Variants in SGK1 observed in about 807,000 individuals in gnomAD.
SGK1 encodes the protein serum/glucocorticoid regulated kinase 1, also known as serine/threonine-protein kinase Sgk1.
In SGK1, 26 loss-of-function variants were observed where a neutral mutation model predicts 64.2. That is an observed-to-expected ratio of 0.40 (90% confidence interval 0.30 to 0.56). The LOEUF (loss-of-function observed/expected upper bound fraction) is 0.56, where lower values mean the gene tolerates loss of function less well. SGK1 is among the 20% of genes least tolerant of loss of function. The pLI, the probability that SGK1 is intolerant of heterozygous loss-of-function variation, is 0.38. For synonymous variants in SGK1, 265 were observed against 239.7 expected (o/e 1.11, Z -0.98); for missense variants, 519 against 645.6 (o/e 0.80, Z 2.12).
intron 2 of SGK1, among the ~76,000 whole-genome samples, chr6:134,226,465 A>G (rs545568151): frequency 6.6e-6 from 1 of 152,010 alleles, no homozygotes; most frequent in Admixed American, 6.6e-5. Flanking sequence ...TTGGGAGGCC[A>G]AGGCTGTGGA....
chr6:134,241,048 C>CTTTTTTTTTTTT (rs10686058), intron 2 of SGK1, among the ~76,000 whole-genome samples: 4 of 74,114 alleles, frequency 5.4e-5, no homozygotes, highest in African/African-American at 1.4e-4. Context: ...TTCTTTTTTT[C>CTTTTTTTTTTTT]TTTTTTTTTT....
At chr6:134,171,433 G>A in intron 11 of SGK1, 3 of 610,938 alleles carry the variant, frequency 4.9e-6, no homozygotes, top group Non-Finnish European at 2.9e-6. Flanking sequence ...CAGGTTCAAT[G>A]TGGTCCTATC....
intron 3 of SGK1, chr6:134,175,747 GGGC>G: frequency 7.4e-7 from 1 of 1,355,008 alleles, no homozygotes. Context: ...GACTCAGGCC[GGGC>G]AAGATTTCCT....
chr6:134,230,255 G>C (rs1039662774), intron 2 of SGK1: 1 of 152,248 alleles, frequency 6.6e-6, no homozygotes, highest in Non-Finnish European at 1.5e-5. Context: ...GGGAGGCTGA[G>C]GCAGTAGGAT....
At chr6:134,194,524 T>C (rs1251780278) in intron 3 of SGK1, among the ~76,000 whole-genome samples, 1 of 151,100 alleles carries the variant, frequency 6.6e-6, no homozygotes, top group Non-Finnish European at 1.5e-5. Flanking sequence ...GTTTTTCTTT[T>C]TTTTTTTTTT....
chr6:134,188,908 CTTT>C (rs34316759), intron 3 of SGK1, among the ~76,000 whole-genome samples: 90 of 110,204 alleles, frequency 8.2e-4, no homozygotes, highest in Middle Eastern at 5.0e-3. Flanking sequence ...ATTTCTTTTT[CTTT>C]TTTTTTTTTT....
At chr6:134,228,188 C>T (rs146324960) in intron 2 of SGK1, among the ~76,000 whole-genome samples, 5,759 of 152,120 alleles carry the variant, frequency 0.038, 138 homozygotes, top group African/African-American at 0.056. Flanking sequence ...CTCCTGACCT[C>T]AGGTGATCCA....
intron 2 of SGK1, among the ~76,000 whole-genome samples, chr6:134,212,762 A>C (rs1374908484): frequency 6.6e-6 from 1 of 152,198 alleles, no homozygotes; most frequent in Middle Eastern, 3.2e-3. Flanking sequence ...AGCCACTTTT[A>C]ATATTTTTTA....
chr6:134,207,095 G>T (rs780087406), intron 3 of SGK1, among the ~76,000 whole-genome samples: 2 of 151,370 alleles, frequency 1.3e-5, no homozygotes, highest in African/African-American at 4.9e-5. Context: ...GCATGGTGGC[G>T]GGCGCCTACA....
chr6:134,298,534 C>G (rs536915003), intron 1 of SGK1: 1 of 807,598 alleles, frequency 1.2e-6, no homozygotes, highest in East Asian at 2.5e-5. Context: ...CTGGCCCCAC[C>G]ATAGCCTCCA....
chr6:134,241,054 T>TTC (rs1554223738), intron 2 of SGK1, among the ~76,000 whole-genome samples: 4 of 28,180 alleles, frequency 1.4e-4, no homozygotes, highest in African/African-American at 2.1e-4. Context: ...TTTTCTTTTT[T>TTC]TTTTTTTTTT....
intron 2 of SGK1, among the ~76,000 whole-genome samples, chr6:134,232,413 G>GAGAAAGAA (rs775588688): frequency 0.019 from 926 of 47,582 alleles, 34 homozygotes; most frequent in African/African-American, 0.026. Context: ...AAGAAAGAAA[G>GAGAAAGAA]AGAAAGAAAG....
At position 134,170,095 on chromosome 6, in the gene SGK1, G is replaced by C. The variant is rs945346138; in HGVS notation, c.*173C>G. ...GAAAACCTCATGAGCTCACTGAGGA[G>C]AATGTGCTCTTCAAAAAGCTTCCAG... is the stretch of plus-strand genomic sequence containing the variant. On this transcript the variant is annotated 3_prime_UTR_variant, in exon 14 of 14. Coordinates refer to ENST00000367858, the MANE Select transcript of SGK1 (RefSeq NM_001143676.3). The C allele has an allele frequency of 2.0e-6, 1 of 494,708 alleles. No individual in the cohort carries two copies. Among genetic ancestry groups the C allele is most frequent in the East Asian group, 3.0e-5 (1 of 33,004 alleles). The allele number at this position is 494,708 out of a possible 1,614,324, so 30.6% of individuals were successfully genotyped here. A position where few individuals can be genotyped will look rare whatever the true frequency, so the allele number is the denominator to read the frequency against.
intron 1 of SGK1, among the ~76,000 whole-genome samples, chr6:134,269,580 C>A (rs1776909026): frequency 6.9e-6 from 1 of 145,962 alleles, no homozygotes. Flanking sequence ...ATCCCTTGAA[C>A]CCAGGAGCCG....
At position 134,171,694 on chromosome 6, in the gene SGK1, G is replaced by A; in HGVS notation, c.1110C>T (p.Asp370=). 3 of 1,613,948 alleles carry A rather than the reference G, an allele frequency of 1.9e-6. No individual in the cohort carries two copies. The highest frequency in any genetic ancestry group is 2.5e-6 in the Non-Finnish European group (3 of 1,179,866). The change falls in exon 11 of 14, where the codon GAC becomes GAT. Residue 370 remains aspartate, a synonymous_variant. Transcript: ENST00000367858. ...APEVLHKQPY[D]RTVDWWCLGA... is the part of the protein sequence containing the mutation. ...CCAGGCACCACCAGTCCACAGTCCT[G>A]TCATAAGGCTGCTTATGAAGCACCT...
chr6:134,175,921 G>A (rs1252892855), intron 3 of SGK1: 1 of 1,187,962 alleles, frequency 8.4e-7, no homozygotes, highest in Non-Finnish European at 1.0e-6. Context: ...GGGAGGGAGA[G>A]GTCAGGAATG....
At chr6:134,317,300 G>T in intron 1 of SGK1, 92 bp downstream of exon 1, 1 of 845,582 alleles carries the variant, frequency 1.2e-6, no homozygotes. Context: ...TAAGGGTTTA[G>T]CAACAAAACC....
chr6:134,182,776 C>G (rs1274378821), intron 3 of SGK1, among the ~76,000 whole-genome samples: 1 of 152,208 alleles, frequency 6.6e-6, no homozygotes, highest in African/African-American at 2.4e-5. Flanking sequence ...AATGATAATC[C>G]AACCTCCCCC....
intron 1 of SGK1, chr6:134,297,314 C>A: frequency 3.3e-6 from 4 of 1,230,374 alleles, no homozygotes; most frequent in Non-Finnish European, 3.5e-6. Context: ...ACACACGCAG[C>A]TATCGCGCCA....
Sources: gnomAD v4.1 joint callset for allele counts (sites outside exome capture counted in the v4.1 genomes callset) on GRCh38, gnomAD v4.1.1 for gene constraint, MANE v1.5 for transcripts, NCBI Gene and HGNC (gene_info 2026-07-23, HGNC 2026-07-21) for gene names.